STAB1: variants seen among roughly 807,000 people sequenced by gnomAD.
The protein encoded by STAB1 is stabilin-1.
In STAB1, 250 loss-of-function variants were observed where a neutral mutation model predicts 332.4. The observed-to-expected ratio is 0.75, with a 90% CI of 0.68 to 0.84. The LOEUF (loss-of-function observed/expected upper bound fraction) is 0.84, where lower values mean the gene tolerates loss of function less well. Among genes scored for constraint, STAB1 ranks in the 40% least tolerant of loss-of-function variants. STAB1 has a pLI of 0.00. For missense variants in STAB1, 3,249 were observed against 3,489.7 expected (o/e 0.93, Z 1.74); for synonymous variants, 1,475 against 1,390.4 (o/e 1.06, Z -1.35).
At chr3:52,505,516 G>GCCT in intron 14 of STAB1, 135 bp downstream of exon 14, 1 of 1,207,024 alleles carries the variant, frequency 8.3e-7, no homozygotes, top group Non-Finnish European at 1.2e-6. Flanking sequence ...CCGTCCTCAA[G>GCCT]CCTGAGGTTC....
chr3:52,519,806 C>CACAT lies in STAB1; in HGVS notation c.5236-137_5236-134dup, dbSNP rs2079012918. The CACAT allele has an allele frequency of 4.8e-6, 6 of 1,238,768 alleles. No individual in the cohort carries two copies. The South Asian group carries it at 9.0e-5, about 19-fold the overall frequency. The allele number at this position is 1,238,768 out of a possible 1,614,324, so 76.7% of individuals were successfully genotyped here. A position where few individuals can be genotyped will look rare whatever the true frequency, so the allele number is the denominator to read the frequency against. On this transcript the variant is annotated intron_variant, in intron 50 of 68. Coordinates refer to ENST00000321725, the MANE Select transcript of STAB1 (RefSeq NM_015136.3). ...TGTGCACAGTTGAGATGTGTGCACA[C>CACAT]ACATGCCTGCCTGGGATGGTCACAG...
In STAB1 at chr3:52,524,357, C is replaced by T. The variant is rs775998145; in HGVS notation, c.*1C>T. Reference sequence around the variant, plus strand: ...CCAGAGGATCCTCACAGTCAAGTGACGAGGCTGGGGCTGAAAGCAGAAGCA... The same window carrying T: ...CCAGAGGATCCTCACAGTCAAGTGATGAGGCTGGGGCTGAAAGCAGAAGCA... On this transcript the variant is annotated 3_prime_UTR_variant, in exon 69 of 69. Transcript: ENST00000321725. 33 of 1,613,734 alleles carry T rather than the reference C, an allele frequency of 2.0e-5. No individual in the cohort carries two copies. Among genetic ancestry groups the T allele is most frequent in the South Asian group, 4.4e-5 (4 of 91,078 alleles).
Position 52,520,470 on chromosome 3 carries a change from C to T in STAB1, c.5570C>T (p.Ala1857Val). Residue 1857 changes from alanine to valine, a missense_variant, in exon 53 of 69, where the codon GCC (alanine) becomes GTC (valine). Transcript: ENST00000321725. ...CACTTGCCCTTTGAGGGTGGCCTGG[C>T]CTATGGCATCGACCAGCTGCTGGAG... is the stretch of plus-strand genomic sequence containing the variant. ...QRHLPFEGGL[A>V]YGIDQLLEPP... The T allele has an allele frequency of 6.2e-7, 1 of 1,612,756 alleles. No homozygotes were observed. The highest frequency in any genetic ancestry group is 8.5e-7 in the Non-Finnish European group (1 of 1,179,920).
chr3:52,522,195 T>C lies in STAB1; in HGVS notation c.6430T>C (p.Cys2144Arg). Residue 2144 changes from cysteine (C) to arginine (R), a missense_variant, in exon 59 of 69, where the codon TGC (cysteine) becomes CGC (arginine). By Grantham distance (180) the Cys-to-Arg change is radical. Coordinates refer to ENST00000321725, the MANE Select transcript of STAB1 (RefSeq NM_015136.3). ...NPCTDGHRGGCSEHANCLSTG... is the reference protein window; with the variant it reads ...NPCTDGHRGGRSEHANCLSTG... Reference sequence around the variant, plus strand: ...CTGCACAGATGGCCACCGCGGGGGCTGCAGCGAGCACGCCAACTGCTTGAG... The same window carrying C: ...CTGCACAGATGGCCACCGCGGGGGCCGCAGCGAGCACGCCAACTGCTTGAG... The C allele has an allele frequency of 6.2e-7, 1 of 1,612,724 alleles. No homozygotes were observed. Among genetic ancestry groups the C allele is most frequent in the Non-Finnish European group, 8.5e-7 (1 of 1,179,966 alleles).
chr3:52,512,828 A>G lies in STAB1; in HGVS notation c.3028A>G (p.Ser1010Gly), dbSNP rs1391590536. Reference sequence around the variant, plus strand: ...GCCCCTGCTCCCTGTGTGCGTGCAGAGTGCCGGCATCACGCTTCCTGCCGA... The same window carrying G: ...GCCCCTGCTCCCTGTGTGCGTGCAGGGTGCCGGCATCACGCTTCCTGCCGA... Reference protein sequence around the residue: ...HFSIFYQWLKSAGITLPADRR... With the variant: ...HFSIFYQWLKGAGITLPADRR... The change falls in exon 29 of 69, where the codon AGT becomes GGT. Residue 1010 changes from serine (S) to glycine (G), a missense_variant and splice_region_variant. By Grantham distance (56) the Ser-to-Gly change is moderately conservative. Transcript: ENST00000321725. The G allele has an allele frequency of 1.9e-6, 3 of 1,608,546 alleles. No homozygotes were observed. The East Asian group carries it at 6.7e-5, about 36-fold the overall frequency.
At chr3:52,515,557 A>C in intron 37 of STAB1, 51 bp downstream of exon 37, 1 of 1,597,404 alleles carries the variant, frequency 6.3e-7, no homozygotes, top group Non-Finnish European at 8.6e-7. Context: ...AGGAGGTGGG[A>C]GTGGGTGGGG....
At chr3:52,501,470 G>C (rs1708437436) in intron 2 of STAB1, 168 bp downstream of exon 2, 1 of 1,161,236 alleles carries the variant, frequency 8.6e-7, no homozygotes, top group Admixed American at 2.2e-5. Context: ...TAAAGGCGAG[G>C]GGCAGGAGGG....
chr3:52,514,017 G>T, intron 32 of STAB1, 36 bp downstream of exon 32: 1 of 1,592,884 alleles, frequency 6.3e-7, no homozygotes, highest in Non-Finnish European at 8.6e-7. Flanking sequence ...GTGCCTGCTC[G>T]GGGGACACTG....
chr3:52,521,495 G>A lies in STAB1; in HGVS notation c.6043G>A (p.Gly2015Arg). Reference protein sequence around the residue: ...ACELCAPGAFGPHCQACRCTV... With the variant: ...ACELCAPGAFRPHCQACRCTV... ...TGAACTCTGTGCTCCTGGTGCCTTT[G>A]GGCCCCATTGTCAAGGTGGGCCATC... Residue 2015 changes from glycine (G) to arginine (R), a missense_variant, in exon 56 of 69, where the codon GGG (glycine) becomes AGG (arginine). Gly to Arg is a moderately radical substitution (Grantham distance 125). Transcript: ENST00000321725. The A allele has an allele frequency of 2.5e-6, 4 of 1,613,980 alleles. No homozygotes were observed. The highest frequency in any genetic ancestry group is 3.4e-6 in the Non-Finnish European group (4 of 1,180,014).
intron 17 of STAB1, 37 bp downstream of exon 17, chr3:52,506,287 G>A (rs1389422834): frequency 1.9e-6 from 3 of 1,574,028 alleles, no homozygotes; most frequent in South Asian, 1.1e-5. Flanking sequence ...TGGTGGGGCT[G>A]GCGGTGACCA....
In STAB1 at chr3:52,503,841, T is replaced by C. The variant is rs1708636274; in HGVS notation, c.961T>C (p.Cys321Arg). The C allele has an allele frequency of 6.2e-6, 10 of 1,613,166 alleles. No homozygotes were observed. The highest frequency in any genetic ancestry group is 7.6e-6 in the Non-Finnish European group (9 of 1,180,040). Residue 321 changes from cysteine to arginine, a missense_variant, in exon 9 of 69, where the codon TGC (cysteine) becomes CGC (arginine). By Grantham distance (180) the Cys-to-Arg change is radical. Transcript: ENST00000321725. ...CGCTTCTGCGGGCTGCTTCGCCTTC[T>C]GCTCCCCCTTCTCCTGCGACCGGTC... The part of the protein sequence containing the change: ...SNASAGCFAF[C>R]SPFSCDRSAT...
rs779192248 is a variant in STAB1 at position 52,520,125 on chromosome 3, G to A, written c.5412+5G>A. 1.9e-6 allele frequency: 3 copies of A among 1,611,392 alleles called. No homozygotes were observed. The highest frequency in any genetic ancestry group is 2.5e-6 in the Non-Finnish European group (3 of 1,178,608). Reference sequence around the variant, plus strand: ...CACATGATTCGCAATGTCGAGGTGGGTGCAGCCCCCAACCTTGGTCTTCAC... The same window carrying A: ...CACATGATTCGCAATGTCGAGGTGGATGCAGCCCCCAACCTTGGTCTTCAC... On this transcript the variant is annotated splice_donor_5th_base_variant and intron_variant, in intron 51 of 68. Coordinates refer to ENST00000321725, the MANE Select transcript of STAB1 (RefSeq NM_015136.3).
rs139790812 is a variant in STAB1, at chr3:52,509,890, C to A, written c.2368C>A (p.Leu790Ile). ...TACAGACTGCGGCTGTGTCCATGGT[C>A]TCTGCGACAACCGCCCAGGCAGTGG... ...CQEDCGCVHG[L>I]CDNRPGSGGV... is the part of the protein sequence containing the mutation. The change falls in exon 23 of 69, where the codon CTC (leucine) becomes ATC (isoleucine). Residue 790 changes from leucine to isoleucine, a missense_variant. Coordinates refer to ENST00000321725, the MANE Select transcript of STAB1 (RefSeq NM_015136.3). The A allele has an allele frequency of 1.3e-3, 2,042 of 1,613,060 alleles. 5 individuals carry two copies. The highest frequency in any genetic ancestry group is 1.6e-3 in the Non-Finnish European group (1,929 of 1,180,022).
intron 25 of STAB1, among the ~76,000 whole-genome samples, chr3:52,511,082 G>C (rs1227554809): frequency 6.6e-6 from 1 of 152,254 alleles, no homozygotes; most frequent in Admixed American, 6.5e-5. Flanking sequence ...GAACTGACAG[G>C]TGTAAGAGCT....
chr3:52,496,956 G>C (rs1319509723), intron 1 of STAB1, among the ~76,000 whole-genome samples: 1 of 152,208 alleles, frequency 6.6e-6, no homozygotes, highest in Non-Finnish European at 1.5e-5. Context: ...ACCAACCCTG[G>C]ATTGAAAATA....
At chr3:52,503,967 TG>T (rs1708648402) in intron 9 of STAB1, 60 bp from the exon 10 acceptor site, 3 of 1,585,772 alleles carry the variant, frequency 1.9e-6, no homozygotes. Context: ...CGGGAAGGCG[TG>T]GGGGGTGCGG....
In STAB1 at chr3:52,522,552, C is replaced by A. The variant is rs756055164; in HGVS notation, c.6611-3C>A. On this transcript the variant is annotated splice_polypyrimidine_tract_variant and splice_region_variant and intron_variant, in intron 60 of 68. Coordinates refer to ENST00000321725, the MANE Select transcript of STAB1 (RefSeq NM_015136.3). ...GCTGACCATGCACCCCTCCATTCTG[C>A]AGAGAAACGGGCTGGCGTTTTCCAC... 1 of 1,613,094 alleles carries A rather than the reference C, an allele frequency of 6.2e-7. No homozygotes were observed. Among genetic ancestry groups the A allele is most frequent in the Non-Finnish European group, 8.5e-7 (1 of 1,180,032 alleles).
In STAB1 at chr3:52,524,343, T is replaced by G; in HGVS notation, c.7700T>G (p.Leu2567Arg). Residue 2567 changes from leucine (L) to arginine (R), a missense_variant, in exon 69 of 69, where the codon CTC (leucine) becomes CGC (arginine). Transcript: ENST00000321725. The stretch of plus-strand genomic sequence containing the variant: ...GACTTCCCTGACACCCAGAGGATCC[T>G]CACAGTCAAGTGACGAGGCTGGGGC... ...EEDFPDTQRI[L>R]TVK The G allele has an allele frequency of 6.2e-7, 1 of 1,613,832 alleles. No homozygotes were observed. Among genetic ancestry groups the G allele is most frequent in the East Asian group, 2.2e-5 (1 of 44,872 alleles).
Position 52,523,351 on chromosome 3 carries a change from A to C in STAB1, c.7140+10A>C. The C allele has an allele frequency of 6.2e-7, 1 of 1,609,530 alleles. No individual in the cohort carries two copies. Among genetic ancestry groups the C allele is most frequent in the Non-Finnish European group, 8.5e-7 (1 of 1,179,982 alleles). On this transcript the variant is annotated intron_variant, in intron 64 of 68. Coordinates refer to ENST00000321725, the MANE Select transcript of STAB1 (RefSeq NM_015136.3). ...CTTTGTGGACAACATGGTAACCCCCAAGGGTGTGGGCAGAGCAGAGCCTGC... is the reference window on the plus strand; with the variant it reads ...CTTTGTGGACAACATGGTAACCCCCCAGGGTGTGGGCAGAGCAGAGCCTGC...
Sources: gnomAD v4.1 joint callset for allele counts (sites outside exome capture counted in the v4.1 genomes callset) on GRCh38, gnomAD v4.1.1 for gene constraint, MANE v1.5 for transcripts, NCBI Gene and HGNC (gene_info 2026-07-23, HGNC 2026-07-21) for gene names.